The following TCERG1L variants were observed in gnomAD, a reference collection of about 807,000 sequenced individuals.
TCERG1L encodes transcription elongation regulator 1 like, also known as transcription elongation regulator 1-like protein.
TCERG1L carries 37 observed loss-of-function variants against 56.3 expected under a neutral mutation model. The observed-to-expected ratio is 0.66, with a 90% confidence interval of 0.51 to 0.87. TCERG1L has a LOEUF of 0.87. Ranked by LOEUF, TCERG1L falls within the 40% of genes least tolerant of loss-of-function variation. The probability of loss-of-function intolerance (pLI) is 0.00; values close to 1 mark genes in which losing one functional copy is unlikely to be tolerated. For synonymous variants in TCERG1L, 324 were observed against 326.3 expected (o/e 0.99, Z 0.08); for missense variants, 799 against 774.2 (o/e 1.03, Z -0.38).
At chr10:131,187,385 A>G (rs1845255859) in intron 4 of TCERG1L, among the ~76,000 whole-genome samples, 1 of 152,210 alleles carries the variant, frequency 6.6e-6, no homozygotes, top group African/African-American at 2.4e-5. Flanking sequence ...TTTGCCCTCC[A>G]GACTCTCCAG....
At chr10:131,225,317 G>T (rs1253778200) in intron 4 of TCERG1L, among the ~76,000 whole-genome samples, 4 of 152,190 alleles carry the variant, frequency 2.6e-5, no homozygotes, top group Non-Finnish European at 5.9e-5. Context: ...TGCCACACAG[G>T]CTGGAAAAGC....
chr10:131,203,481 G>A (rs1222738433), intron 4 of TCERG1L, among the ~76,000 whole-genome samples: 3 of 152,142 alleles, frequency 2.0e-5, no homozygotes, highest in African/African-American at 7.2e-5. Flanking sequence ...CCAATCACAG[G>A]TGCTCACGTC....
chr10:131,194,788 T>C (rs1015595782), intron 4 of TCERG1L, among the ~76,000 whole-genome samples: 9 of 152,230 alleles, frequency 5.9e-5, no homozygotes, highest in African/African-American at 1.9e-4. Context: ...ATTTCGCCTG[T>C]TGATTTGCAA....
intron 6 of TCERG1L, among the ~76,000 whole-genome samples, chr10:131,154,821 A>G (rs1845902240): frequency 6.6e-6 from 1 of 152,210 alleles, no homozygotes. Flanking sequence ...CAAGGACACG[A>G]GCGTGCAACA....
At position 131,190,691 on chromosome 10, in the gene TCERG1L, C is replaced by A. The variant is rs755448339; in HGVS notation, c.857-23806G>T. ...ACCTCTTTATGATAAAAACTCCCAA[C>A]AAACTAGGCATAGAAGGGACCTACT... is the stretch of plus-strand genomic sequence containing the variant. On this transcript the variant is annotated intron_variant, in intron 4 of 11. Transcript: ENST00000368642. 5.6e-5 allele frequency among the ~76,000 whole-genome samples: 8 copies of A among 143,626 alleles called. 2 individuals are homozygous for A. The highest frequency in any genetic ancestry group is 9.2e-5 in the Non-Finnish European group (6 of 65,182). The allele number at this position is 143,626 out of a possible 152,430, so 94.2% of individuals were successfully genotyped here. A position where few individuals can be genotyped will look rare whatever the true frequency, so the allele number is the denominator to read the frequency against.
At chr10:131,207,733 C>A (rs537130594) in intron 4 of TCERG1L, among the ~76,000 whole-genome samples, 3 of 152,148 alleles carry the variant, frequency 2.0e-5, no homozygotes, top group African/African-American at 7.2e-5. Flanking sequence ...GAGGTCCATG[C>A]GACCTCAGAT....
At chr10:131,096,408 C>T (rs1237749827) in intron 11 of TCERG1L, among the ~76,000 whole-genome samples, 1 of 151,970 alleles carries the variant, frequency 6.6e-6, no homozygotes, top group Non-Finnish European at 1.5e-5. Context: ...TCCTTGTCTA[C>T]ATTAGCACTT....
rs189616338 is a variant in TCERG1L at position 131,292,134 on chromosome 10, A to G, written c.670+16077T>C. Among the ~76,000 whole-genome samples the G allele has an allele frequency of 6.6e-5, 10 of 152,316 alleles. No individual in the cohort carries two copies. The East Asian group carries it at 1.7e-3, about 26-fold the overall frequency. On this transcript the variant is annotated intron_variant, in intron 3 of 11. Coordinates refer to ENST00000368642, the MANE Select transcript of TCERG1L (RefSeq NM_174937.4). The stretch of plus-strand genomic sequence containing the variant: ...TTGCATTGGCTAGAACTTCCTGAAA[A>G]CAGTTTCAGTAAAACAATAAACAGT...
chr10:131,287,357 GATTC>G (rs1846556809), intron 3 of TCERG1L, among the ~76,000 whole-genome samples: 1 of 152,130 alleles, frequency 6.6e-6, no homozygotes, highest in Admixed American at 6.5e-5. Context: ...TTGGCAAATT[GATTC>G]ATTATTTTGT....
intron 4 of TCERG1L, among the ~76,000 whole-genome samples, chr10:131,242,002 A>G (rs1049904572): frequency 1.3e-5 from 2 of 152,222 alleles, no homozygotes; most frequent in Admixed American, 6.5e-5. Context: ...TGTTGAGGGA[A>G]AACAATTCAA....
intron 4 of TCERG1L, among the ~76,000 whole-genome samples, chr10:131,167,369 T>C (rs1846042402): frequency 6.6e-6 from 1 of 152,110 alleles, no homozygotes; most frequent in Admixed American, 6.5e-5. Context: ...TGTGGATGTC[T>C]TGGGGCTGCT....
chr10:131,162,192 G>A (rs1437677334), intron 6 of TCERG1L: 1 of 152,262 alleles, frequency 6.6e-6, no homozygotes, highest in Non-Finnish European at 1.5e-5. Flanking sequence ...GTAAGGGTTG[G>A]AGAATGGGTG....
At chr10:131,276,780 A>G (rs1039092648) in intron 3 of TCERG1L, among the ~76,000 whole-genome samples, 1 of 152,166 alleles carries the variant, frequency 6.6e-6, no homozygotes, top group African/African-American at 2.4e-5. Context: ...GCTTCCTTCC[A>G]TGACTGTCCG....
chr10:131,277,532 G>A (rs1454048210), intron 3 of TCERG1L, among the ~76,000 whole-genome samples: 1 of 152,176 alleles, frequency 6.6e-6, no homozygotes, highest in Non-Finnish European at 1.5e-5. Flanking sequence ...CCACAAACTT[G>A]GCTGCTTAAT....
chr10:131,102,088 G>T (rs1564791868), intron 10 of TCERG1L, among the ~76,000 whole-genome samples: 1 of 152,150 alleles, frequency 6.6e-6, no homozygotes, highest in African/African-American at 2.4e-5. Context: ...CTTTGCTATA[G>T]GAAAAAATTA....
chr10:131,116,718 C>A (rs1370901714), intron 9 of TCERG1L, 81 bp downstream of exon 9: 5 of 1,523,924 alleles, frequency 3.3e-6, no homozygotes, highest in Non-Finnish European at 3.5e-6. Flanking sequence ...GAGGAGGCGA[C>A]CCTCAGGCAG....
chr10:131,212,385 C>A (rs1845628607), intron 4 of TCERG1L, among the ~76,000 whole-genome samples: 1 of 152,156 alleles, frequency 6.6e-6, no homozygotes, highest in Non-Finnish European at 1.5e-5. Context: ...TCATCCAGCC[C>A]AAATGCATGA....
chr10:131,234,662 T>C (rs917891451), intron 4 of TCERG1L, among the ~76,000 whole-genome samples: 1 of 152,184 alleles, frequency 6.6e-6, no homozygotes, highest in Non-Finnish European at 1.5e-5. Flanking sequence ...TGTGGTTCAC[T>C]AAGCTGAGGA....
At chr10:131,173,843 T>C (rs1846117379) in intron 4 of TCERG1L, among the ~76,000 whole-genome samples, 2 of 152,146 alleles carry the variant, frequency 1.3e-5, no homozygotes, top group African/African-American at 4.8e-5. Context: ...CCAGATGATG[T>C]CAGGAAAGCC....
Sources: allele counts gnomAD v4.1 joint callset (sites outside exome capture counted in the v4.1 genomes callset), GRCh38; gene constraint gnomAD v4.1.1; transcripts MANE v1.5; gene names NCBI Gene and HGNC (gene_info 2026-07-23, HGNC 2026-07-21).